The following SLC22A16 variants were observed in gnomAD, a reference collection of about 807,000 sequenced individuals.
SLC22A16 encodes solute carrier family 22 member 16.
SLC22A16 carries 53 observed loss-of-function variants against 52.9 expected under a neutral mutation model. That is an observed-to-expected ratio of 1.00 (90% CI 0.80 to 1.26). The LOEUF (loss-of-function observed/expected upper bound fraction) is 1.26. Among genes scored for constraint, SLC22A16 ranks in the 50% most tolerant of loss-of-function variants. The pLI is 0.00. For synonymous variants in SLC22A16, 291 were observed against 268.8 expected (o/e 1.08, Z -0.81); for missense variants, 726 against 704.0 (o/e 1.03, Z -0.35).
chr6:110,458,127 A>T (rs1775736969), intron 1 of SLC22A16, among the ~76,000 whole-genome samples: 1 of 152,172 alleles, frequency 6.6e-6, no homozygotes, highest in South Asian at 2.1e-4. Context: ...ATATGCAGAA[A>T]TAATGGCATA....
rs1775353878 is a variant in SLC22A16 at position 110,450,894 on chromosome 6, T to C, written c.534-3904A>G. ...ACCTCTCTTTGTGACTACAAATCCCTTGCCCTTTCTAGGAGGAAACATTTT... is the reference window on the plus strand; with the variant it reads ...ACCTCTCTTTGTGACTACAAATCCCCTGCCCTTTCTAGGAGGAAACATTTT... On this transcript the variant is annotated intron_variant, in intron 2 of 7. Coordinates refer to ENST00000368919, the MANE Select transcript of SLC22A16 (RefSeq NM_033125.4). Among the ~76,000 whole-genome samples the C allele has an allele frequency of 2.0e-5, 3 of 152,230 alleles. No homozygotes were observed. In the South Asian group the frequency reaches 6.2e-4, roughly 32 times the overall value.
chr6:110,460,989 C>T (rs1241200472), intron 1 of SLC22A16, among the ~76,000 whole-genome samples: 1 of 152,190 alleles, frequency 6.6e-6, no homozygotes, highest in Non-Finnish European at 1.5e-5. Context: ...ATTTCCTACT[C>T]CACCCATTCA....
Position 110,428,246 on chromosome 6 carries a change from A to AT in SLC22A16, c.1521+2924dup, listed in dbSNP as rs376420264. On this transcript the variant is annotated intron_variant, in intron 7 of 7. Coordinates refer to ENST00000368919, the MANE Select transcript of SLC22A16 (RefSeq NM_033125.4). ...ATAAACAAGTTTAATGGGAAATCTG[A>AT]TTTTTTTTTTGACTCATTACAAACA... Among the ~76,000 whole-genome samples the AT allele has an allele frequency of 7.5e-3, 1,121 of 150,278 alleles. 11 individuals are homozygous for AT. Among genetic ancestry groups the AT allele is most frequent in the Non-Finnish European group, 7.8e-3 (524 of 67,394 alleles).
intron 6 of SLC22A16, among the ~76,000 whole-genome samples, chr6:110,434,060 G>A (rs1582524960): frequency 6.6e-6 from 1 of 152,212 alleles, no homozygotes; most frequent in East Asian, 1.9e-4. Flanking sequence ...GGCCAACATG[G>A]TGAAACCCTG....
In SLC22A16 at chr6:110,435,867, T is replaced by C. The variant is rs1341788592; in HGVS notation, c.1406A>G (p.Tyr469Cys). Residue 469 changes from tyrosine to cysteine, a missense_variant, in exon 6 of 8, where the codon TAT becomes TGT. Coordinates refer to ENST00000368919, the MANE Select transcript of SLC22A16 (RefSeq NM_033125.4). Reference sequence around the variant, plus strand: ...TCATCCTTACCTTACAATGGTTGGATACAGCTCAGCTGTATAAAGATAAAT... The same window carrying C: ...TCATCCTTACCTTACAATGGTTGGACACAGCTCAGCTGTATAAAGATAAAT... The part of the protein sequence containing the change: ...GLIYLYTAEL[Y>C]PTIVRSLAVG... The C allele has an allele frequency of 1.2e-6, 2 of 1,609,600 alleles. No homozygotes were observed. Among genetic ancestry groups the C allele is most frequent in the Non-Finnish European group, 1.7e-6 (2 of 1,177,970 alleles).
At position 110,456,871 on chromosome 6, in the gene SLC22A16, G is replaced by C. The variant is rs1307157603; in HGVS notation, c.200C>G (p.Ser67Cys). The C allele has an allele frequency of 6.2e-7, 1 of 1,614,056 alleles. No homozygotes were observed. The highest frequency in any genetic ancestry group is 1.7e-5 in the Admixed American group (1 of 60,004). The stretch of plus-strand genomic sequence containing the variant: ...CCCGGTGTCCTCCAAACTCCAATTA[G>C]AGTGATTATGGAAAACAACCTGACT... ...NVSQVVFHNH[S>C]NWSLEDTGAL... Residue 67 changes from serine (S) to cysteine (C), a missense_variant, in exon 2 of 8, where the codon TCT becomes TGT. Transcript: ENST00000368919.
intron 1 of SLC22A16, among the ~76,000 whole-genome samples, chr6:110,463,738 C>A (rs1775972147): frequency 6.6e-6 from 1 of 151,778 alleles, no homozygotes; most frequent in South Asian, 2.1e-4. Context: ...TCAATGATGA[C>A]AGATCATTGA....
At chr6:110,475,682 C>T (rs56337603) in intron 1 of SLC22A16, among the ~76,000 whole-genome samples, 28,282 of 152,066 alleles carry the variant, frequency 0.19, 4,478 homozygotes, top group African/African-American at 0.42. Context: ...AGGCCAGGAT[C>T]GAGACGCAGC....
rs1164566579 is a variant in SLC22A16, at chr6:110,442,657, A to C, written c.770T>G (p.Val257Gly). The C allele has an allele frequency of 6.2e-7, 1 of 1,614,140 alleles. No homozygotes were observed. Among genetic ancestry groups the C allele is most frequent in the Non-Finnish European group, 8.5e-7 (1 of 1,179,988 alleles). The change falls in exon 4 of 8, where the codon GTG (valine) becomes GGG (glycine). Residue 257 changes from valine to glycine, a missense_variant. Val to Gly is a moderately radical substitution (Grantham distance 109). Transcript: ENST00000368919. ...HSFFAVGTLLVALTGYLVRTW... is the reference protein window; with the variant it reads ...HSFFAVGTLLGALTGYLVRTW... Reference sequence around the variant, plus strand: ...CCTGACCAAGTATCCTGTCAAAGCCACCAGCAGGGTTCCAACTGCAAAAAA... The same window carrying C: ...CCTGACCAAGTATCCTGTCAAAGCCCCCAGCAGGGTTCCAACTGCAAAAAA...
Position 110,460,943 on chromosome 6 carries a change from G to A in SLC22A16, c.54-3926C>T, listed in dbSNP as rs146691640. Among the ~76,000 whole-genome samples the A allele has an allele frequency of 5.2e-3, 786 of 152,334 alleles. 1 individual carries two copies. Among genetic ancestry groups the A allele is most frequent in the Middle Eastern group, 0.02 (6 of 294 alleles). The stretch of plus-strand genomic sequence containing the variant: ...ACAGGACCAATCTCTGAAAGGGGCG[G>A]TAGTAGTAGCTGGGAAGGGACATGG... On this transcript the variant is annotated intron_variant, in intron 1 of 7. Coordinates refer to ENST00000368919, the MANE Select transcript of SLC22A16 (RefSeq NM_033125.4).
intron 5 of SLC22A16, among the ~76,000 whole-genome samples, chr6:110,436,376 G>A (rs761941931): frequency 2.4e-4 from 37 of 152,146 alleles, no homozygotes; most frequent in Non-Finnish European, 4.9e-4. Context: ...TGTAATCCCA[G>A]CACTTTAGGA....
In SLC22A16 at chr6:110,434,755, G is replaced by A. The variant is rs918687681; in HGVS notation, c.1421+1097C>T. 1.8e-4 allele frequency among the ~76,000 whole-genome samples: 28 copies of A among 152,200 alleles called. 1 individual carries two copies. The highest frequency in any genetic ancestry group is 6.5e-4 in the Admixed American group (10 of 15,288). The stretch of plus-strand genomic sequence containing the variant: ...AACACTTTGGGAGGCCAAGGCTGGC[G>A]GATCACGAGGTCAGGAGTTCGAGAC... On this transcript the variant is annotated intron_variant, in intron 6 of 7. Coordinates refer to ENST00000368919, the MANE Select transcript of SLC22A16 (RefSeq NM_033125.4).
rs114352823 is a variant in SLC22A16, at chr6:110,461,268, C to T, written c.54-4251G>A. 5.2e-3 allele frequency among the ~76,000 whole-genome samples: 792 copies of T among 152,282 alleles called. 1 individual carries two copies. The highest frequency in any genetic ancestry group is 0.02 in the Middle Eastern group (6 of 294). On this transcript the variant is annotated intron_variant, in intron 1 of 7. Transcript: ENST00000368919. ...AGGCCATTTTGGTGGTAGCCACAAT[C>T]GAAGCCTTCTCACAGACCTCAGGAG... is the stretch of plus-strand genomic sequence containing the variant.
intron 2 of SLC22A16, among the ~76,000 whole-genome samples, chr6:110,452,197 T>C (rs1053650354): frequency 1.9e-4 from 29 of 152,258 alleles, no homozygotes; most frequent in African/African-American, 6.8e-4. Flanking sequence ...TCTTCACTTT[T>C]TGTTATATTT....
intron 7 of SLC22A16, among the ~76,000 whole-genome samples, chr6:110,429,381 C>T (rs768059074): frequency 1.3e-5 from 2 of 152,148 alleles, no homozygotes; most frequent in Non-Finnish European, 2.9e-5. Flanking sequence ...CAGCGATTCC[C>T]GAAGAGCCGT....
chr6:110,438,064 C>T (rs1486064006), intron 5 of SLC22A16, among the ~76,000 whole-genome samples: 1 of 152,050 alleles, frequency 6.6e-6, no homozygotes, highest in Non-Finnish European at 1.5e-5. Flanking sequence ...AGAGGTGCAC[C>T]ATCCTCGACC....
At chr6:110,468,744 A>G (rs1402818311) in intron 1 of SLC22A16, among the ~76,000 whole-genome samples, 1 of 152,192 alleles carries the variant, frequency 6.6e-6, no homozygotes, top group African/African-American at 2.4e-5. Context: ...TTGGGCAGGA[A>G]CAGTAGGCTG....
At chr6:110,451,067 G>A (rs146277096) in intron 2 of SLC22A16, among the ~76,000 whole-genome samples, 272 of 152,308 alleles carry the variant, frequency 1.8e-3, no homozygotes, top group Middle Eastern at 0.014. Context: ...AATACCACAT[G>A]TATTATTTTA....
At chr6:110,426,802 T>C (rs919557127) in intron 7 of SLC22A16, among the ~76,000 whole-genome samples, 1 of 151,534 alleles carries the variant, frequency 6.6e-6, no homozygotes, top group Non-Finnish European at 1.5e-5. Flanking sequence ...ATTACAAAAT[T>C]AGCCGGGCGA....
Sources: gnomAD v4.1 joint callset for allele counts (sites outside exome capture counted in the v4.1 genomes callset) on GRCh38, gnomAD v4.1.1 for gene constraint, MANE v1.5 for transcripts, NCBI Gene and HGNC (gene_info 2026-07-23, HGNC 2026-07-21) for gene names.